TMEM132D: variants seen among roughly 807,000 people sequenced by gnomAD.
TMEM132D encodes the protein transmembrane protein 132D.
In TMEM132D, 21 loss-of-function variants were observed where a neutral mutation model predicts 62.3. That is an observed-to-expected ratio of 0.34 (90% CI 0.24 to 0.49). The LOEUF (loss-of-function observed/expected upper bound fraction) is 0.49, where lower values mean the gene tolerates loss of function less well. TMEM132D is among the 20% of genes least tolerant of loss of function. The pLI, the probability that TMEM132D is intolerant of heterozygous loss-of-function variation, is 0.99. For missense variants in TMEM132D, 1,346 were observed against 1,402.8 expected (o/e 0.96, Z 0.65); for synonymous variants, 621 against 575.6 (o/e 1.08, Z -1.13).
At chr12:129,222,922 A>T (rs1274291351) in intron 4 of TMEM132D, among the ~76,000 whole-genome samples, 1 of 152,054 alleles carries the variant, frequency 6.6e-6, no homozygotes, top group Non-Finnish European at 1.5e-5. Context: ...TACCAAAAAA[A>T]GGTAACTCTG....
intron 1 of TMEM132D, among the ~76,000 whole-genome samples, chr12:129,701,663 T>C (rs180771357): frequency 1.3e-5 from 2 of 152,252 alleles, no homozygotes; most frequent in East Asian, 1.9e-4. Context: ...GTAAGAAAAA[T>C]GCAGGCAGAG....
At chr12:129,232,029 T>C (rs1480828870) in intron 4 of TMEM132D, among the ~76,000 whole-genome samples, 1 of 152,184 alleles carries the variant, frequency 6.6e-6, no homozygotes, top group East Asian at 1.9e-4. Context: ...TCTCACTCAG[T>C]GGTTCTCAAA....
intron 4 of TMEM132D, among the ~76,000 whole-genome samples, chr12:129,280,951 G>T (rs917808780): frequency 6.6e-6 from 1 of 151,570 alleles, no homozygotes; most frequent in African/African-American, 2.4e-5. Context: ...AATATCTAAG[G>T]TCATTTTCGC....
chr12:129,557,300 A>G (rs926915841), intron 2 of TMEM132D, among the ~76,000 whole-genome samples: 1 of 152,234 alleles, frequency 6.6e-6, no homozygotes, highest in African/African-American at 2.4e-5. Context: ...CTGTGCTTAT[A>G]GGCTCTAAAT....
intron 4 of TMEM132D, among the ~76,000 whole-genome samples, chr12:129,223,381 C>T (rs1879398771): frequency 1.3e-5 from 2 of 152,130 alleles, no homozygotes; most frequent in South Asian, 4.1e-4. Context: ...GCCCTGGCCA[C>T]ATGGAGAGGC....
intron 1 of TMEM132D, among the ~76,000 whole-genome samples, chr12:129,813,060 G>A (rs1306512351): frequency 1.3e-5 from 2 of 151,732 alleles, no homozygotes; most frequent in South Asian, 2.1e-4. Flanking sequence ...TCACAGCAAC[G>A]TCTGCTCAAA....
chr12:129,231,827 T>C (rs1879648703), intron 4 of TMEM132D, among the ~76,000 whole-genome samples: 1 of 152,210 alleles, frequency 6.6e-6, no homozygotes, highest in African/African-American at 2.4e-5. Flanking sequence ...AAACTATCTT[T>C]TCTTCCTAAG....
intron 2 of TMEM132D, among the ~76,000 whole-genome samples, chr12:129,535,770 T>TTGTG (rs112963742): frequency 1.2e-3 from 147 of 122,986 alleles, no homozygotes; most frequent in African/African-American, 3.8e-3. Flanking sequence ...CATTTAAGAT[T>TTGTG]TGTGTGCGTG....
chr12:129,678,530 A>T (rs1282355861), intron 2 of TMEM132D, among the ~76,000 whole-genome samples: 1 of 152,158 alleles, frequency 6.6e-6, no homozygotes, highest in East Asian at 1.9e-4. Context: ...TTTGAACAAC[A>T]GCCATTCTTC....
At chr12:129,327,815 A>C (rs1430884875) in intron 4 of TMEM132D, among the ~76,000 whole-genome samples, 1 of 152,168 alleles carries the variant, frequency 6.6e-6, no homozygotes, top group African/African-American at 2.4e-5. Flanking sequence ...TAGCATTCAG[A>C]GTGATATTAA....
At chr12:129,076,811 C>T (rs12369635) in intron 8 of TMEM132D, among the ~76,000 whole-genome samples, 11,151 of 152,262 alleles carry the variant, frequency 0.073, 535 homozygotes, top group South Asian at 0.11. Context: ...ATGTCAGGAA[C>T]GGATTAGCCT....
chr12:129,209,247 A>T (rs976211870), intron 5 of TMEM132D, among the ~76,000 whole-genome samples: 2 of 152,002 alleles, frequency 1.3e-5, no homozygotes, highest in African/African-American at 4.8e-5. Flanking sequence ...CTCCCTGGGG[A>T]TCTGGGAAGA....
chr12:129,879,706 ACAAT>A (rs1201101906), intron 1 of TMEM132D, among the ~76,000 whole-genome samples: 2 of 152,218 alleles, frequency 1.3e-5, no homozygotes, highest in East Asian at 3.9e-4. Flanking sequence ...ATGAAAACTC[ACAAT>A]CAGAGATGAA....
chr12:129,881,460 C>T (rs1318400361), intron 1 of TMEM132D, among the ~76,000 whole-genome samples: 1 of 151,952 alleles, frequency 6.6e-6, no homozygotes. Context: ...CTGAAAAAAA[C>T]TCAAAAAATA....
At position 129,081,397 on chromosome 12, in the gene TMEM132D, C is replaced by T. The variant is rs150143453; in HGVS notation, c.1923+362G>A. Among the ~76,000 whole-genome samples the T allele has an allele frequency of 1.6e-3, 242 of 152,268 alleles. 1 individual carries two copies. Among genetic ancestry groups the T allele is most frequent in the African/African-American group, 5.6e-3 (233 of 41,562 alleles). ...CGCTGCAACCTCTGCTTCCCAGGCC[C>T]GAGCGATCCTTGCACCTCAGCCTCC... is the stretch of plus-strand genomic sequence containing the variant. On this transcript the variant is annotated intron_variant, in intron 7 of 8. Transcript: ENST00000422113.
intron 2 of TMEM132D, among the ~76,000 whole-genome samples, chr12:129,538,293 C>T (rs1289830372): frequency 6.6e-6 from 1 of 152,134 alleles, no homozygotes; most frequent in Non-Finnish European, 1.5e-5. Flanking sequence ...GTTTCCACAC[C>T]CAGTCTATAA....
chr12:129,629,335 T>A (rs1482751335), intron 2 of TMEM132D, among the ~76,000 whole-genome samples: 1 of 152,230 alleles, frequency 6.6e-6, no homozygotes, highest in Non-Finnish European at 1.5e-5. Flanking sequence ...TATAATCTTA[T>A]CTTCAAGATT....
chr12:129,665,026 G>C (rs1176821915), intron 2 of TMEM132D, among the ~76,000 whole-genome samples: 1 of 152,072 alleles, frequency 6.6e-6, no homozygotes, highest in Admixed American at 6.6e-5. Context: ...GAGTCTACAC[G>C]CTTAACTACT....
chr12:129,219,485 A>G (rs1879296529), intron 4 of TMEM132D, among the ~76,000 whole-genome samples: 1 of 152,196 alleles, frequency 6.6e-6, no homozygotes, highest in African/African-American at 2.4e-5. Context: ...GCCCAGCACG[A>G]ACGAGGGCCA....
Sources: gnomAD v4.1 joint callset for allele counts (sites outside exome capture counted in the v4.1 genomes callset) on GRCh38, gnomAD v4.1.1 for gene constraint, MANE v1.5 for transcripts, NCBI Gene and HGNC (gene_info 2026-07-23, HGNC 2026-07-21) for gene names.